Variants in PIBF1 observed in about 807,000 individuals in gnomAD.
PIBF1 encodes the protein progesterone-induced-blocking factor 1.
In PIBF1, 90 loss-of-function variants were observed where a neutral mutation model predicts 112.5. That is an observed-to-expected ratio of 0.80 (90% CI 0.67 to 0.95). PIBF1 has a LOEUF of 0.95. Among genes scored for constraint, PIBF1 ranks in the 40% least tolerant of loss-of-function variants. The pLI, the probability that PIBF1 is intolerant of heterozygous loss-of-function variation, is 0.00. For missense variants in PIBF1, 915 were observed against 852.3 expected (o/e 1.07, Z -0.92); for synonymous variants, 301 against 288.6 (o/e 1.04, Z -0.44).
At chr13:72,782,618 A>G (rs1223043999) in intron 1 of PIBF1, among the ~76,000 whole-genome samples, 2 of 152,176 alleles carry the variant, frequency 1.3e-5, no homozygotes, top group Non-Finnish European at 2.9e-5. Context: ...TGAAATATTT[A>G]ATAGCATAAT....
At chr13:72,841,821 G>A (rs781175287) in intron 9 of PIBF1, among the ~76,000 whole-genome samples, 2 of 152,064 alleles carry the variant, frequency 1.3e-5, no homozygotes, top group Non-Finnish European at 2.9e-5. Context: ...GGCCCGTGAG[G>A]TCTAAATGAA....
intron 15 of PIBF1, among the ~76,000 whole-genome samples, chr13:72,966,962 G>T (rs1447913890): frequency 6.7e-6 from 1 of 150,244 alleles, no homozygotes; most frequent in East Asian, 1.9e-4. Context: ...TTTTGAAACG[G>T]AGTCTCACTG....
intron 11 of PIBF1, among the ~76,000 whole-genome samples, chr13:72,904,433 CTTTTTTTTTT>C (rs71099767): frequency 1.3e-3 from 48 of 36,556 alleles, no homozygotes; most frequent in Non-Finnish European, 2.1e-3. Context: ...CAAAATATTT[CTTTTTTTTTT>C]TTTTTTTTTT....
intron 2 of PIBF1, among the ~76,000 whole-genome samples, chr13:72,790,463 ACTTATAGATAGAT>A (rs780674975): frequency 1.1e-3 from 159 of 144,214 alleles, no homozygotes; most frequent in African/African-American, 3.6e-3. Context: ...ACACACACAC[ACTTATAGATAGAT>A]CACACACACC....
chr13:72,941,722 A>G (rs1566473611), intron 14 of PIBF1, among the ~76,000 whole-genome samples: 1 of 152,220 alleles, frequency 6.6e-6, no homozygotes, highest in Non-Finnish European at 1.5e-5. Context: ...GTCAAGGTGC[A>G]TAGGTAAAAT....
intron 14 of PIBF1, among the ~76,000 whole-genome samples, chr13:72,951,301 A>G (rs1321397114): frequency 6.6e-6 from 1 of 152,206 alleles, no homozygotes; most frequent in African/African-American, 2.4e-5. Flanking sequence ...TTGCCTGAAC[A>G]TGATTCTGGA....
intron 14 of PIBF1, among the ~76,000 whole-genome samples, chr13:72,962,865 T>A (rs1210586043): frequency 6.6e-6 from 1 of 152,180 alleles, no homozygotes; most frequent in African/African-American, 2.4e-5. Context: ...GGGCTCAGAT[T>A]TCCAGATTTC....
chr13:72,912,797 A>G, intron 12 of PIBF1, among the ~76,000 whole-genome samples: 1 of 152,136 alleles, frequency 6.6e-6, no homozygotes. Flanking sequence ...CAATTGACTT[A>G]CTTAACAACA....
At chr13:72,855,251 C>T (rs115584429) in intron 10 of PIBF1, among the ~76,000 whole-genome samples, 1 of 152,114 alleles carries the variant, frequency 6.6e-6, no homozygotes, top group Non-Finnish European at 1.5e-5. Context: ...TTGTAAAAAT[C>T]TTTTAGAATG....
intron 13 of PIBF1, among the ~76,000 whole-genome samples, chr13:72,922,957 G>T (rs1443305933): frequency 6.6e-6 from 1 of 152,170 alleles, no homozygotes; most frequent in African/African-American, 2.4e-5. Context: ...TGAGTAGATA[G>T]TATAAGGACC....
intron 10 of PIBF1, among the ~76,000 whole-genome samples, chr13:72,878,533 A>G (rs1343649133): frequency 6.6e-6 from 1 of 152,102 alleles, no homozygotes; most frequent in Admixed American, 6.6e-5. Flanking sequence ...AACTTTGTTC[A>G]TGTGTGTTTA....
At chr13:73,005,919 C>CTTTTTTTT (rs34315714) in intron 17 of PIBF1, among the ~76,000 whole-genome samples, 1 of 132,810 alleles carries the variant, frequency 7.5e-6, no homozygotes, top group Non-Finnish European at 1.6e-5. Flanking sequence ...TCTGGTTTCA[C>CTTTTTTTT]TTTTTTTTTT....
At chr13:72,930,968 A>G (rs2041678750) in intron 13 of PIBF1, among the ~76,000 whole-genome samples, 197 bp from the exon 14 acceptor site, 1 of 152,094 alleles carries the variant, frequency 6.6e-6, no homozygotes. Context: ...TAATGTTGTT[A>G]CTCTCATAAT....
chr13:73,000,062 A>AAAATG (rs1443530529), intron 17 of PIBF1, among the ~76,000 whole-genome samples: 48 of 152,274 alleles, frequency 3.2e-4, no homozygotes, highest in Middle Eastern at 3.4e-3. Context: ...AAAATAAAAT[A>AAAATG]AGGGACAATT....
intron 14 of PIBF1, among the ~76,000 whole-genome samples, chr13:72,935,186 A>T (rs578157279): frequency 6.6e-6 from 1 of 151,932 alleles, no homozygotes; most frequent in Non-Finnish European, 1.5e-5. Flanking sequence ...GGGTTTCACT[A>T]TGTTGGCCAG....
At chr13:72,900,212 A>C (rs1015548385) in intron 11 of PIBF1, among the ~76,000 whole-genome samples, 3 of 152,172 alleles carry the variant, frequency 2.0e-5, no homozygotes, top group Non-Finnish European at 2.9e-5. Context: ...AACCCCCATC[A>C]AAATACCACC....
chr13:72,819,214 A>G (rs1365573051), intron 5 of PIBF1, among the ~76,000 whole-genome samples: 1 of 152,116 alleles, frequency 6.6e-6, no homozygotes, highest in Non-Finnish European at 1.5e-5. Flanking sequence ...TAGCAAATTG[A>G]TAAGAGCTAT....
chr13:72,881,380 T>C (rs552344982), intron 10 of PIBF1, among the ~76,000 whole-genome samples: 32 of 152,190 alleles, frequency 2.1e-4, no homozygotes, highest in African/African-American at 7.2e-4. Context: ...AAGAAAGTAT[T>C]CCCATTTACA....
At position 72,908,577 on chromosome 13, in the gene PIBF1, G is replaced by A. The variant is rs761287843; in HGVS notation, c.1535G>A (p.Arg512His). The A allele has an allele frequency of 6.8e-6, 11 of 1,612,010 alleles. No homozygotes were observed. The highest frequency in any genetic ancestry group is 3.3e-5 in the South Asian group (3 of 90,972). ...FYSLQASSEK[R>H]ITELQAQNSE... ...AGTCTCCAAGCCTCTTCTGAAAAAC[G>A]CATTACTGAACTTCAAGCACAGAAC... Residue 512 changes from arginine to histidine, a missense_variant, in exon 12 of 18, where the codon CGC becomes CAC. By Grantham distance (29) the Arg-to-His change is conservative (BLOSUM62 0). Transcript: ENST00000326291.
Sources: allele counts gnomAD v4.1 joint callset (sites outside exome capture counted in the v4.1 genomes callset), GRCh38; gene constraint gnomAD v4.1.1; transcripts MANE v1.5; gene names NCBI Gene and HGNC (gene_info 2026-07-23, HGNC 2026-07-21).